Variants in NDEL1 observed in about 807,000 individuals in gnomAD.
The protein encoded by NDEL1 is nuclear distribution protein nudE-like 1.
NDEL1 carries 9 observed loss-of-function variants against 45.7 expected under a neutral mutation model. The ratio of observed to expected loss-of-function variants is 0.20; its 90% CI spans 0.12 to 0.34. The LOEUF is 0.34. NDEL1 is among the 10% of genes least tolerant of loss of function. The pLI is 1.00. For synonymous variants in NDEL1, 133 were observed against 158.6 expected, an observed-to-expected ratio of 0.84 and a Z score of 1.21; for missense variants, 306 against 406.2, an observed-to-expected ratio of 0.75 and a Z score of 2.12.
intron 1 of NDEL1, among the ~76,000 whole-genome samples, chr17:8,439,148 A>T (rs911947333): frequency 6.6e-6 from 1 of 150,804 alleles, no homozygotes; most frequent in African/African-American, 2.4e-5. Flanking sequence ...TCACCATGTT[A>T]GCAGGATAGT....
chr17:8,472,829 G>A (rs567164095), downstream of NDEL1, among the ~76,000 whole-genome samples: 81 of 152,294 alleles, frequency 5.3e-4, 1 homozygote, highest in African/African-American at 1.6e-3. Flanking sequence ...GCCTCATGTC[G>A]TCTAGACCCA....
intron 1 of NDEL1, among the ~76,000 whole-genome samples, chr17:8,425,859 A>G (rs765874557): frequency 3.3e-5 from 5 of 151,354 alleles, no homozygotes; most frequent in Non-Finnish European, 7.4e-5. Flanking sequence ...TGGTACAATC[A>G]TGGCTCACTG....
chr17:8,417,524 G>A (rs1051411960), intron 1 of NDEL1, among the ~76,000 whole-genome samples: 3 of 152,184 alleles, frequency 2.0e-5, no homozygotes, highest in Admixed American at 6.5e-5. Context: ...ACTAGAAGCC[G>A]ATTGAAGGGT....
intron 7 of NDEL1, among the ~76,000 whole-genome samples, chr17:8,457,755 G>A (rs1480295347): frequency 2.0e-5 from 3 of 151,976 alleles, no homozygotes; most frequent in South Asian, 2.1e-4. Flanking sequence ...ATTCCTGTCC[G>A]TGGCTAATTT....
intron 1 of NDEL1, among the ~76,000 whole-genome samples, chr17:8,415,207 C>A (rs1403180599): frequency 6.7e-6 from 1 of 148,190 alleles, no homozygotes; most frequent in Admixed American, 6.8e-5. Flanking sequence ...GAGATGGGAT[C>A]TTGCTCTGTT....
intron 5 of NDEL1, among the ~76,000 whole-genome samples, chr17:8,449,775 C>T (rs1910351510): frequency 6.6e-6 from 1 of 152,094 alleles, no homozygotes; most frequent in African/African-American, 2.4e-5. Context: ...TTTATCTGTT[C>T]ATCTGTGGAT....
At chr17:8,448,778 C>A in intron 5 of NDEL1, 92 bp downstream of exon 5, 2 of 1,256,120 alleles carry the variant, frequency 1.6e-6, no homozygotes, top group Non-Finnish European at 2.2e-6. Context: ...TTTTTTCAAC[C>A]AAATGTGGAT....
intron 1 of NDEL1, among the ~76,000 whole-genome samples, chr17:8,439,470 T>A (rs1597527033): frequency 6.7e-6 from 1 of 149,662 alleles, no homozygotes; most frequent in Non-Finnish European, 1.5e-5. Flanking sequence ...GCCAGGCTGG[T>A]CTTGAACTCC....
Position 8,450,869 on chromosome 17 carries a change from A to G in NDEL1, c.616A>G (p.Met206Val), listed in dbSNP as rs772521023. Residue 206 changes from methionine (M) to valine (V), a missense_variant, in exon 6 of 9, where the codon ATG (methionine) becomes GTG (valine). Physicochemically the swap from Met to Val is conservative, Grantham distance 21. Coordinates refer to ENST00000334527, the MANE Select transcript of NDEL1 (RefSeq NM_030808.5). ...CTCTCCAACTCTAGACTGTGAAAAGATGGACTCCGCCGTCCAAGCATCACT... is the reference window on the plus strand; with the variant it reads ...CTCTCCAACTCTAGACTGTGAAAAGGTGGACTCCGCCGTCCAAGCATCACT... Reference protein sequence around the residue: ...PSSPTLDCEKMDSAVQASLSL... With the variant: ...PSSPTLDCEKVDSAVQASLSL... 1.1e-5 allele frequency: 17 copies of G among 1,613,710 alleles called. No homozygotes were observed. In the Admixed American group the frequency reaches 2.5e-4, roughly 24 times the overall value.
chr17:8,426,409 G>A lies in NDEL1; in HGVS notation c.-13+13140G>A, dbSNP rs193271525. On this transcript the variant is annotated intron_variant, in intron 1 of 4. Transcript: ENST00000582812. The stretch of plus-strand genomic sequence containing the variant: ...TAGTTTGGGAGTAGGTAAACCTGGC[G>A]CCACCTTGTCTGTATAAAGGTATGT... Among the ~76,000 whole-genome samples the A allele has an allele frequency of 3.3e-5, 5 of 152,250 alleles. No individual in the cohort carries two copies. In the East Asian group the frequency reaches 7.7e-4, roughly 24 times the overall value.
At chr17:8,420,133 G>A (rs1476522226) in intron 1 of NDEL1, among the ~76,000 whole-genome samples, 2 of 152,184 alleles carry the variant, frequency 1.3e-5, no homozygotes, top group Non-Finnish European at 2.9e-5. Flanking sequence ...GAGGGTCTAT[G>A]AATGCTGACC....
At chr17:8,414,900 A>T (rs1908507942) in intron 1 of NDEL1, among the ~76,000 whole-genome samples, 1 of 152,106 alleles carries the variant, frequency 6.6e-6, no homozygotes, top group African/African-American at 2.4e-5. Context: ...AACACATTAG[A>T]TTATCTCTCA....
chr17:8,445,684 C>T (rs1204130017), intron 2 of NDEL1, 27 bp from the exon 3 acceptor site: 4 of 1,582,970 alleles, frequency 2.5e-6, no homozygotes, highest in Middle Eastern at 1.7e-4. Context: ...TAGTGTAACT[C>T]GTCTTTCCCA....
intron 1 of NDEL1, among the ~76,000 whole-genome samples, chr17:8,423,915 A>G (rs1385312734): frequency 1.3e-5 from 2 of 152,170 alleles, no homozygotes; most frequent in African/African-American, 2.4e-5. Flanking sequence ...ATTTTAACAG[A>G]TCCTAAATCC....
At chr17:8,436,162 G>T (rs1342025859) in intron 1 of NDEL1, 117 bp downstream of exon 1, 1 of 251,938 alleles carries the variant, frequency 4.0e-6, no homozygotes, top group Non-Finnish European at 7.8e-6. Flanking sequence ...GCCGGGGCGG[G>T]CCGGGCCGGG....
downstream of NDEL1, among the ~76,000 whole-genome samples, chr17:8,471,442 C>T (rs73243274): frequency 2.6e-5 from 4 of 152,372 alleles, no homozygotes; most frequent in South Asian, 2.1e-4. Context: ...ATGTGGCCCA[C>T]GTGAAGCTGG....
intron 7 of NDEL1, among the ~76,000 whole-genome samples, chr17:8,458,921 A>AG (rs1431305268): frequency 1.3e-5 from 2 of 151,994 alleles, no homozygotes; most frequent in Non-Finnish European, 2.9e-5. Flanking sequence ...TAGTAGAGAC[A>AG]GGGTTTTACC....
At chr17:8,434,133 A>T (rs986047494), upstream of NDEL1, among the ~76,000 whole-genome samples, 1 of 152,360 alleles carries the variant, frequency 6.6e-6, no homozygotes, top group Non-Finnish European at 1.5e-5. Flanking sequence ...AAAGGATTAC[A>T]TTGCGTGCCG....
intron 1 of NDEL1, among the ~76,000 whole-genome samples, chr17:8,428,581 T>C (rs925135977): frequency 2.6e-5 from 4 of 151,684 alleles, no homozygotes; most frequent in Non-Finnish European, 5.9e-5. Context: ...GCCAGGCTGG[T>C]CTCGAACTCC....
Sources: allele counts gnomAD v4.1 joint callset (sites outside exome capture counted in the v4.1 genomes callset), GRCh38; gene constraint gnomAD v4.1.1; transcripts MANE v1.5; gene names NCBI Gene and HGNC (gene_info 2026-07-23, HGNC 2026-07-21).